Variants in TRIM2 observed in about 807,000 individuals in gnomAD.
TRIM2 encodes tripartite motif containing 2.
TRIM2 carries 20 observed loss-of-function variants against 75.2 expected under a neutral mutation model. That is an observed-to-expected ratio of 0.27 (90% confidence interval 0.19 to 0.39). The LOEUF (loss-of-function observed/expected upper bound fraction) is 0.39, where lower values mean the gene tolerates loss of function less well. Among genes scored for constraint, TRIM2 ranks in the 10% least tolerant of loss-of-function variants. TRIM2 has a pLI of 1.00. For missense variants in TRIM2, 660 were observed against 990.8 expected (o/e 0.67, Z 4.48); for synonymous variants, 373 against 388.3 (o/e 0.96, Z 0.46).
At position 153,338,305 on chromosome 4, in the gene TRIM2, C is replaced by T; in HGVS notation, c.*3339C>T. On this transcript the variant is annotated 3_prime_UTR_variant, in exon 12 of 12. Transcript: ENST00000338700. ...TAAACATTAGGTAATCTGCAGATTA[C>T]TTCAAATGGGAAAAATCTTTTTGTA... 4.1e-6 allele frequency: 4 copies of T among 985,794 alleles called. No homozygotes were observed. In the South Asian group the frequency reaches 1.9e-4, roughly 46 times the overall value. The allele number at this position is 985,794 out of a possible 1,614,324, so 61.1% of individuals were successfully genotyped here. A position where few individuals can be genotyped will look rare whatever the true frequency, so the allele number is the denominator to read the frequency against.
At chr4:153,330,228 C>A (rs530655205) in intron 11 of TRIM2, among the ~76,000 whole-genome samples, 1 of 152,086 alleles carries the variant, frequency 6.6e-6, no homozygotes, top group Non-Finnish European at 1.5e-5. Context: ...GGAATTCTTC[C>A]AAATGTTTAA....
intron 11 of TRIM2, among the ~76,000 whole-genome samples, chr4:153,331,656 A>G (rs1379165658): frequency 9.2e-5 from 14 of 152,238 alleles, no homozygotes; most frequent in Non-Finnish European, 2.1e-4. Flanking sequence ...TGGCAAGGCA[A>G]AGGAAATAGC....
intron 1 of TRIM2, among the ~76,000 whole-genome samples, chr4:153,233,187 T>A (rs879460433): frequency 6.6e-6 from 1 of 152,162 alleles, no homozygotes; most frequent in African/African-American, 2.4e-5. Flanking sequence ...GGTAAAGTTC[T>A]CTACTTCCAA....
At chr4:153,297,837 T>G (rs1204510057) in intron 6 of TRIM2, among the ~76,000 whole-genome samples, 1 of 152,218 alleles carries the variant, frequency 6.6e-6, no homozygotes, top group African/African-American at 2.4e-5. Flanking sequence ...AAATATTACC[T>G]AAATCTTAAG....
At chr4:153,320,921 C>T (rs1475751347) in intron 8 of TRIM2, among the ~76,000 whole-genome samples, 4 of 152,254 alleles carry the variant, frequency 2.6e-5, no homozygotes, top group Admixed American at 1.3e-4. Flanking sequence ...TGTGAGCCAC[C>T]GCGCCCGGCG....
intron 1 of TRIM2, among the ~76,000 whole-genome samples, chr4:153,250,269 G>A (rs1458053483): frequency 6.6e-6 from 1 of 152,044 alleles, no homozygotes; most frequent in Non-Finnish European, 1.5e-5. Context: ...ACAGGCACGC[G>A]CCACCATGCC....
chr4:153,177,475 G>A (rs994150527), intron 1 of TRIM2, among the ~76,000 whole-genome samples: 14 of 151,946 alleles, frequency 9.2e-5, no homozygotes, highest in South Asian at 2.1e-4. Context: ...GTGAAACCCC[G>A]TCTCTACTAA....
chr4:153,161,696 C>A (rs1489724466), intron 1 of TRIM2, among the ~76,000 whole-genome samples: 1 of 152,210 alleles, frequency 6.6e-6, no homozygotes, highest in East Asian at 1.9e-4. Flanking sequence ...TTGGTTCTCA[C>A]AGGCCAACTG....
chr4:153,161,423 A>C (rs753734419), intron 1 of TRIM2, among the ~76,000 whole-genome samples: 4 of 152,240 alleles, frequency 2.6e-5, no homozygotes, highest in Non-Finnish European at 5.9e-5. Context: ...TCCTCGTTTT[A>C]GAGATGAGAA....
chr4:153,247,634 C>A (rs1481265788), intron 1 of TRIM2, among the ~76,000 whole-genome samples: 2 of 138,136 alleles, frequency 1.4e-5, no homozygotes, highest in East Asian at 4.2e-4. Flanking sequence ...GCTGAGATAG[C>A]GCCACCACAC....
intron 1 of TRIM2, among the ~76,000 whole-genome samples, chr4:153,267,501 A>C (rs1755521980): frequency 6.6e-6 from 1 of 152,002 alleles, no homozygotes; most frequent in South Asian, 2.1e-4. Context: ...AAATACAAAA[A>C]ATTAGCCGGG....
intron 1 of TRIM2, among the ~76,000 whole-genome samples, chr4:153,189,153 A>G (rs1438089511): frequency 1.3e-5 from 2 of 152,226 alleles, no homozygotes; most frequent in Admixed American, 6.5e-5. Context: ...ACCGGCCTGG[A>G]GAGGCCGTTT....
chr4:153,235,493 C>T (rs942802878), intron 1 of TRIM2, among the ~76,000 whole-genome samples: 2 of 151,802 alleles, frequency 1.3e-5, no homozygotes, highest in African/African-American at 4.8e-5. Flanking sequence ...ACCATGTTGC[C>T]CAGGCTGGTC....
chr4:153,273,734 A>G (rs1757423167), intron 2 of TRIM2, among the ~76,000 whole-genome samples: 1 of 152,164 alleles, frequency 6.6e-6, no homozygotes, highest in Non-Finnish European at 1.5e-5. Flanking sequence ...GCTCAGACTA[A>G]TGTGAAATTA....
intron 1 of TRIM2, among the ~76,000 whole-genome samples, chr4:153,159,045 AG>A (rs1560774606): frequency 6.6e-6 from 1 of 152,106 alleles, no homozygotes; most frequent in Non-Finnish European, 1.5e-5. Context: ...GAGCCATTGC[AG>A]GTTGTTCTAA....
rs949411942 is a variant in TRIM2, at chr4:153,195,603, C to G, written c.-49+42333C>G. ...CTCCTTCAGAGCCTCCAGCAGGAGC[C>G]CTACATTTGTGTTGTTTTAAGCTCA... On this transcript the variant is annotated intron_variant, in intron 1 of 11. Coordinates refer to the TRIM2 transcript ENST00000437508. Among the ~76,000 whole-genome samples the G allele has an allele frequency of 2.6e-5, 4 of 152,114 alleles. No individual in the cohort carries two copies. The East Asian group carries it at 7.7e-4, about 29-fold the overall frequency.
At chr4:153,190,445 G>A (rs971116338) in intron 1 of TRIM2, among the ~76,000 whole-genome samples, 1 of 152,196 alleles carries the variant, frequency 6.6e-6, no homozygotes, top group African/African-American at 2.4e-5. Flanking sequence ...ATTCTTCACA[G>A]GACTTAGGGG....
chr4:153,205,412 G>C (rs965305018), intron 1 of TRIM2, among the ~76,000 whole-genome samples: 1 of 152,166 alleles, frequency 6.6e-6, no homozygotes. Flanking sequence ...GGTGCGCAAA[G>C]GGCAAGGAAA....
At chr4:153,176,435 A>C (rs1291862697) in intron 1 of TRIM2, among the ~76,000 whole-genome samples, 1 of 152,054 alleles carries the variant, frequency 6.6e-6, no homozygotes, top group Non-Finnish European at 1.5e-5. Context: ...ACTGGGCGAC[A>C]GAGTGAGATC....
Sources: allele counts gnomAD v4.1 joint callset (sites outside exome capture counted in the v4.1 genomes callset), GRCh38; gene constraint gnomAD v4.1.1; transcripts MANE v1.5; gene names NCBI Gene and HGNC (gene_info 2026-07-23, HGNC 2026-07-21).